The following PDE10A variants were observed in gnomAD, a reference collection of about 807,000 sequenced individuals.
PDE10A encodes cAMP and cAMP-inhibited cGMP 3',5'-cyclic phosphodiesterase 10A.
A neutral mutation model predicts 97.7 loss-of-function variants in PDE10A; 39 were observed. The ratio of observed to expected loss-of-function variants is 0.40; its 90% CI spans 0.31 to 0.52. The LOEUF (loss-of-function observed/expected upper bound fraction) is 0.52. Among genes scored for constraint, PDE10A ranks in the 20% least tolerant of loss-of-function variants. The pLI, the probability that PDE10A is intolerant of heterozygous loss-of-function variation, is 0.56. For synonymous variants in PDE10A, 371 were observed against 376.8 expected (o/e 0.98, Z 0.18); for missense variants, 731 against 1,047.8 (o/e 0.70, Z 4.17).
intron 1 of PDE10A, among the ~76,000 whole-genome samples, chr6:165,639,931 G>A (rs1562650974): frequency 1.3e-5 from 2 of 151,932 alleles, no homozygotes; most frequent in South Asian, 2.1e-4. Context: ...TGAGCCAGGT[G>A]TGGTGGTGCA....
chr6:165,774,941 T>C (rs1030953437), intron 1 of PDE10A: 2 of 149,160 alleles, frequency 1.3e-5, no homozygotes, highest in African/African-American at 5.0e-5. Flanking sequence ...GGAGGAACAA[T>C]GATTTGAAGA....
At chr6:165,875,484 ATTATC>A (rs2128479494) in intron 1 of PDE10A, among the ~76,000 whole-genome samples, 1 of 152,290 alleles carries the variant, frequency 6.6e-6, no homozygotes, top group South Asian at 2.1e-4. Flanking sequence ...TTCAGAGGGA[ATTATC>A]TTATCAGCCC....
intron 1 of PDE10A, among the ~76,000 whole-genome samples, chr6:165,795,313 G>A (rs979118605): frequency 1.3e-5 from 2 of 152,130 alleles, no homozygotes; most frequent in Non-Finnish European, 2.9e-5. Context: ...TGTCTGCAAG[G>A]GTTTTCCTTT....
At chr6:165,579,706 A>T (rs1785506398) in intron 1 of PDE10A, among the ~76,000 whole-genome samples, 1 of 152,112 alleles carries the variant, frequency 6.6e-6, no homozygotes, top group South Asian at 2.1e-4. Flanking sequence ...CTGCTCTACT[A>T]AAAACCCTCC....
At chr6:165,733,786 T>A (rs1287041587) in intron 1 of PDE10A, among the ~76,000 whole-genome samples, 2 of 152,164 alleles carry the variant, frequency 1.3e-5, no homozygotes, top group African/African-American at 4.8e-5. Flanking sequence ...CTCTTCTTCC[T>A]GCACCAAGCT....
At chr6:165,382,028 T>C (rs1218175621) in intron 17 of PDE10A, among the ~76,000 whole-genome samples, 1 of 152,182 alleles carries the variant, frequency 6.6e-6, no homozygotes, top group African/African-American at 2.4e-5. Flanking sequence ...GATTCCATTT[T>C]GCATAAATCA....
At chr6:165,513,182 A>G (rs1781597619) in intron 2 of PDE10A, among the ~76,000 whole-genome samples, 1 of 152,044 alleles carries the variant, frequency 6.6e-6, no homozygotes, top group Non-Finnish European at 1.5e-5. Context: ...CTCTTACAGT[A>G]AGGCATATGA....
At chr6:165,396,582 T>C (rs1306723067) in intron 13 of PDE10A, 123 bp from the exon 14 acceptor site, 45 of 898,282 alleles carry the variant, frequency 5.0e-5, no homozygotes, top group South Asian at 4.7e-4. Flanking sequence ...AGTGGATTTA[T>C]TATTATCCGT....
intron 1 of PDE10A, among the ~76,000 whole-genome samples, chr6:165,728,987 C>T (rs759465421): frequency 2.6e-5 from 4 of 152,014 alleles, no homozygotes; most frequent in Non-Finnish European, 4.4e-5. Context: ...TGCTTGAGCC[C>T]AGGAGCTCAA....
At chr6:165,443,977 G>C (rs894260323) in intron 5 of PDE10A, among the ~76,000 whole-genome samples, 1 of 152,190 alleles carries the variant, frequency 6.6e-6, no homozygotes, top group Non-Finnish European at 1.5e-5. Context: ...CCAGTGGCTT[G>C]AATTTCTCCA....
chr6:165,722,873 T>TAC (rs2128448920), intron 1 of PDE10A, among the ~76,000 whole-genome samples: 1 of 79,040 alleles, frequency 1.3e-5, no homozygotes, highest in Non-Finnish European at 2.4e-5. Flanking sequence ...TTTGTTCATA[T>TAC]ATATATATAT....
Position 165,481,453 on chromosome 6 carries a change from C to T in PDE10A, c.1023+862G>A, listed in dbSNP as rs540549612. Reference sequence around the variant, plus strand: ...CTGGCCCAGGTCATTTTAGAGATTTCTTTCTTCAGATGATCAAAAATAAAG... The same window carrying T: ...CTGGCCCAGGTCATTTTAGAGATTTTTTTCTTCAGATGATCAAAAATAAAG... On this transcript the variant is annotated intron_variant, in intron 3 of 21. Transcript: ENST00000539869. 2.6e-4 allele frequency among the ~76,000 whole-genome samples: 39 copies of T among 152,166 alleles called. 1 individual carries two copies. The South Asian group carries it at 7.9e-3, about 31-fold the overall frequency.
intron 1 of PDE10A, among the ~76,000 whole-genome samples, chr6:165,885,912 C>T (rs9459517): frequency 0.25 from 38,081 of 152,074 alleles, 5,627 homozygotes; most frequent in African/African-American, 0.41. Context: ...ATAGAGAGAC[C>T]TTACAGATAA....
chr6:165,942,515 C>T (rs1056645978), intron 1 of PDE10A, among the ~76,000 whole-genome samples: 3 of 152,086 alleles, frequency 2.0e-5, no homozygotes, highest in Non-Finnish European at 4.4e-5. Flanking sequence ...GTGCTCGCTG[C>T]CACCCACTGT....
At chr6:165,512,032 T>C (rs1200282328) in intron 2 of PDE10A, among the ~76,000 whole-genome samples, 1 of 152,040 alleles carries the variant, frequency 6.6e-6, no homozygotes, top group Non-Finnish European at 1.5e-5. Context: ...TTCAAAGTTA[T>C]TATTGCATGG....
At chr6:165,504,191 G>A (rs1291600579) in intron 2 of PDE10A, among the ~76,000 whole-genome samples, 1 of 151,976 alleles carries the variant, frequency 6.6e-6, no homozygotes, top group African/African-American at 2.4e-5. Context: ...AATTTTTTTA[G>A]AATATTATTT....
intron 2 of PDE10A, among the ~76,000 whole-genome samples, chr6:165,485,653 C>T (rs569289500): frequency 8.7e-5 from 13 of 148,740 alleles, no homozygotes; most frequent in South Asian, 2.2e-4. Context: ...AGTGCAATGG[C>T]GTGATCTCAG....
intron 1 of PDE10A, among the ~76,000 whole-genome samples, chr6:165,755,111 T>C (rs1793087609): frequency 6.6e-6 from 1 of 152,222 alleles, no homozygotes; most frequent in South Asian, 2.1e-4. Flanking sequence ...TCTCTGAAGA[T>C]GGACTTGTGT....
At chr6:165,749,094 A>T (rs1458289532) in intron 1 of PDE10A, among the ~76,000 whole-genome samples, 1 of 152,208 alleles carries the variant, frequency 6.6e-6, no homozygotes, top group Admixed American at 6.5e-5. Context: ...ATGCATGTTA[A>T]TCAGTTAATC....
Sources: allele counts gnomAD v4.1 joint callset (sites outside exome capture counted in the v4.1 genomes callset), GRCh38; gene constraint gnomAD v4.1.1; transcripts MANE v1.5; gene names NCBI Gene and HGNC (gene_info 2026-07-23, HGNC 2026-07-21).